ZFP64: variants seen among roughly 807,000 people sequenced by gnomAD.
ZFP64 encodes the protein ZFP64 zinc finger protein.
A neutral mutation model predicts 51.6 loss-of-function variants in ZFP64; 14 were observed. The ratio of observed to expected loss-of-function variants is 0.27; its 90% CI spans 0.18 to 0.42. The LOEUF is 0.42. Among genes scored for constraint, ZFP64 ranks in the 10% least tolerant of loss-of-function variants. The pLI, the probability that ZFP64 is intolerant of heterozygous loss-of-function variation, is 1.00. For synonymous variants in ZFP64, 375 were observed against 361.4 expected (o/e 1.04, Z -0.43); for missense variants, 754 against 906.8 (o/e 0.83, Z 2.16).
In ZFP64 at chr20:52,109,832, G is replaced by A. The variant is rs563428138; in HGVS notation, c.764-11245C>T. Among the ~76,000 whole-genome samples the A allele has an allele frequency of 8.8e-5, 13 of 148,112 alleles. No individual in the cohort carries two copies. In the South Asian group the frequency reaches 2.2e-3, roughly 25 times the overall value. ...AAAATTTGTTGCTAATTTTAAACAC[G>A]TAGACTGAGGTTCTTATAGGTGACA... On this transcript the variant is annotated intron_variant, in intron 5 of 8. Coordinates refer to the ZFP64 transcript ENST00000361387.
At position 52,119,531 on chromosome 20, in the gene ZFP64, A is replaced by T. The variant is rs1355106871; in HGVS notation, c.764-20944T>A. On this transcript the variant is annotated intron_variant, in intron 5 of 8. Transcript: ENST00000361387. ...AGTGAGACTTCATCTAAAAAAAAAA[A>T]AAATATATATATATATATATATACA... is the stretch of plus-strand genomic sequence containing the variant. Among the ~76,000 whole-genome samples the T allele has an allele frequency of 7.5e-3, 485 of 65,004 alleles. 1 individual carries two copies. The highest frequency in any genetic ancestry group is 0.027 in the African/African-American group (452 of 16,836). The allele number at this position is 65,004 out of a possible 152,430, so 42.6% of individuals were successfully genotyped here.
chr20:52,086,478 A>AT (rs11476509), intron 8 of ZFP64, among the ~76,000 whole-genome samples: 24,485 of 142,508 alleles, frequency 0.17, 2,150 homozygotes, highest in South Asian at 0.29. Flanking sequence ...TTCACAAGGA[A>AT]TTTTTTTTTT....
chr20:52,137,993 C>T (rs544694201), intron 5 of ZFP64, among the ~76,000 whole-genome samples: 39 of 150,604 alleles, frequency 2.6e-4, no homozygotes, highest in Non-Finnish European at 4.4e-4. Context: ...CTGGGAAACA[C>T]GGAAAAACCC....
chr20:52,185,118 G>A (rs960345372), intron 2 of ZFP64, among the ~76,000 whole-genome samples: 1 of 152,146 alleles, frequency 6.6e-6, no homozygotes, highest in Non-Finnish European at 1.5e-5. Flanking sequence ...CTGCCTCCCA[G>A]GTCCAAGCAA....
chr20:52,120,907 C>T (rs920258038), intron 5 of ZFP64, among the ~76,000 whole-genome samples: 3 of 152,016 alleles, frequency 2.0e-5, no homozygotes, highest in Admixed American at 6.6e-5. Context: ...AAACTCCTGA[C>T]GTCAGGTGAT....
intron 2 of ZFP64, among the ~76,000 whole-genome samples, chr20:52,180,695 A>G (rs939461077): frequency 2.6e-5 from 4 of 152,160 alleles, no homozygotes; most frequent in Non-Finnish European, 5.9e-5. Context: ...GAGAGCTAAC[A>G]GTGACAGCTC....
At chr20:52,155,976 G>A (rs563790135) in intron 5 of ZFP64, among the ~76,000 whole-genome samples, 41 of 152,260 alleles carry the variant, frequency 2.7e-4, no homozygotes, top group African/African-American at 9.1e-4. Flanking sequence ...AACATTCCAC[G>A]AAGACCATGC....
chr20:52,170,809 A>C (rs534311573), intron 2 of ZFP64, among the ~76,000 whole-genome samples: 1 of 152,364 alleles, frequency 6.6e-6, no homozygotes, highest in East Asian at 1.9e-4. Context: ...GAAACAGAGC[A>C]GTGACTCAGA....
intron 5 of ZFP64, among the ~76,000 whole-genome samples, chr20:52,134,337 C>T (rs1280732412): frequency 6.6e-6 from 1 of 152,142 alleles, no homozygotes; most frequent in African/African-American, 2.4e-5. Context: ...TTCTGGAAGC[C>T]AAGCCTTCCA....
chr20:52,100,285 G>A (rs567569150), intron 5 of ZFP64, among the ~76,000 whole-genome samples: 7 of 151,954 alleles, frequency 4.6e-5, no homozygotes, highest in South Asian at 2.1e-4. Context: ...TCACTCTGTC[G>A]CCCAGACTGG....
intron 5 of ZFP64, among the ~76,000 whole-genome samples, chr20:52,100,294 G>A (rs1410437794): frequency 6.6e-6 from 1 of 152,088 alleles, no homozygotes; most frequent in Non-Finnish European, 1.5e-5. Context: ...CGCCCAGACT[G>A]GAGTGCAGTG....
In ZFP64 at chr20:52,160,696, T is replaced by C. The variant is rs1352815592; in HGVS notation, c.512-322A>G. Among the ~76,000 whole-genome samples, 1 of 152,206 alleles carries C rather than the reference T, an allele frequency of 6.6e-6. No individual in the cohort carries two copies. The highest frequency in any genetic ancestry group is 1.5e-5 in the Non-Finnish European group (1 of 68,022). ...TAGTAACAGTTTTGTTAATTTTCCC[T>C]TGTATTCACTCTCTCCTTTTTCCTT... On this transcript the variant is annotated intron_variant, in intron 4 of 5. Transcript: ENST00000216923. The surrounding 1 kb of genome is among the most constrained non-coding windows in gnomAD (Gnocchi z 4.2).
chr20:52,122,447 A>G (rs1042361227), intron 5 of ZFP64, among the ~76,000 whole-genome samples: 2 of 148,906 alleles, frequency 1.3e-5, no homozygotes, highest in Non-Finnish European at 3.0e-5. Context: ...TGGAGCTTGC[A>G]GTGAGCCGAG....
At chr20:52,105,162 C>G in intron 5 of ZFP64, 1 of 1,451,776 alleles carries the variant, frequency 6.9e-7, no homozygotes, top group East Asian at 2.7e-5. Flanking sequence ...GGGGCCACCT[C>G]CGCACACTCC....
At chr20:52,182,800 T>C (rs1341172158) in intron 2 of ZFP64, among the ~76,000 whole-genome samples, 1 of 152,164 alleles carries the variant, frequency 6.6e-6, no homozygotes, top group African/African-American at 2.4e-5. Context: ...TCAGCTTTAC[T>C]GATGCATATG....
At chr20:52,092,424 G>C (rs940105587) in intron 7 of ZFP64, among the ~76,000 whole-genome samples, 5 of 152,192 alleles carry the variant, frequency 3.3e-5, no homozygotes, top group African/African-American at 1.2e-4. Flanking sequence ...CTTTGGAAAA[G>C]CAGAAGGGGA....
chr20:52,101,182 G>A (rs111730613), intron 5 of ZFP64, among the ~76,000 whole-genome samples: 11 of 152,268 alleles, frequency 7.2e-5, no homozygotes, highest in Non-Finnish European at 1.3e-4. Flanking sequence ...AATAGGGCTG[G>A]GGTTGAGAAA....
chr20:52,150,780 T>A (rs950543440), downstream of ZFP64, among the ~76,000 whole-genome samples: 1 of 152,206 alleles, frequency 6.6e-6, no homozygotes, highest in Non-Finnish European at 1.5e-5. Context: ...TGAGTGCTAT[T>A]ACAACCTTAC....
At chr20:52,164,611 A>G (rs1339644363) in intron 4 of ZFP64, 84 bp downstream of exon 4, 9 of 1,145,330 alleles carry the variant, frequency 7.9e-6, no homozygotes, top group Non-Finnish European at 1.2e-5. Context: ...TTGGAGTGGT[A>G]TCATTCGTCT....
Sources: allele counts gnomAD v4.1 joint callset (sites outside exome capture counted in the v4.1 genomes callset), GRCh38; gene constraint gnomAD v4.1.1; non-coding constraint Gnocchi (gnomAD v3.1); transcripts MANE v1.5; gene names NCBI Gene and HGNC (gene_info 2026-07-23, HGNC 2026-07-21).